Variants in NAV2 observed in about 807,000 individuals in gnomAD.
The protein encoded by NAV2 is neuron navigator 2.
Under a neutral mutation model 223.2 loss-of-function variants are expected in NAV2, and 54 were observed. The ratio of observed to expected loss-of-function variants is 0.24; its 90% CI spans 0.19 to 0.30. The LOEUF (loss-of-function observed/expected upper bound fraction) is 0.30. Among genes scored for constraint, NAV2 ranks in the 10% least tolerant of loss-of-function variants. The pLI, the probability that NAV2 is intolerant of heterozygous loss-of-function variation, is 1.00. For synonymous variants in NAV2, 1,279 were observed against 1,239.3 expected (o/e 1.03, Z -0.67); for missense variants, 2,806 against 3,147.5 (o/e 0.89, Z 2.60).
At chr11:19,483,505 A>G (rs1386448) in intron 1 of NAV2, among the ~76,000 whole-genome samples, 141,771 of 152,260 alleles carry the variant, frequency 0.93, 66,845 homozygotes, top group East Asian at 1. Context: ...AAGGCTTGAA[A>G]TGCTGTGCTA....
At chr11:19,814,286 G>C (rs2058980343) in intron 1 of NAV2, among the ~76,000 whole-genome samples, 1 of 152,142 alleles carries the variant, frequency 6.6e-6, no homozygotes. Context: ...GAGTACTCCT[G>C]AGGGCTTCAT....
intron 10 of NAV2, among the ~76,000 whole-genome samples, chr11:19,977,004 C>T (rs1244884324): frequency 6.6e-6 from 1 of 152,146 alleles, no homozygotes; most frequent in Admixed American, 6.5e-5. Context: ...TGGTGACATC[C>T]TGAAGAGCTG....
chr11:19,506,386 G>A (rs1001523970), intron 1 of NAV2: 3 of 152,266 alleles, frequency 2.0e-5, no homozygotes, highest in Non-Finnish European at 4.4e-5. Flanking sequence ...GTGGCAGAAT[G>A]TTCTGGAAGC....
chr11:19,768,667 G>A (rs1315743459), intron 1 of NAV2, among the ~76,000 whole-genome samples: 2 of 152,076 alleles, frequency 1.3e-5, no homozygotes, highest in Admixed American at 1.3e-4. Context: ...AAGGAAATAC[G>A]CAGAAAGGCA....
At chr11:19,619,480 T>C (rs1317197924) in intron 1 of NAV2, among the ~76,000 whole-genome samples, 13 of 152,222 alleles carry the variant, frequency 8.5e-5, no homozygotes, top group Non-Finnish European at 1.5e-4. Context: ...TATCTCATTG[T>C]GGTTTTGATT....
rs1465005765 is a variant in NAV2 at position 19,948,553 on chromosome 11, AG to A, written c.2256-136del. The A allele has an allele frequency of 2.7e-5, 22 of 802,724 alleles. No homozygotes were observed. The East Asian group carries it at 6.6e-4, about 24-fold the overall frequency. 49.7% of individuals were successfully genotyped at this position (802,724 alleles called of 1,614,324 possible). On this transcript the variant is annotated intron_variant, in intron 9 of 37. Coordinates refer to ENST00000349880, the MANE Select transcript of NAV2 (RefSeq NM_145117.5). ...TCATTTTGAGCAGAGGAAGCACATCAGGTGGTACATGGGGGCTGGCTGTTTT... is the reference window on the plus strand; with the variant it reads ...TCATTTTGAGCAGAGGAAGCACATCAGTGGTACATGGGGGCTGGCTGTTTT...
intron 30 of NAV2, 37 bp from the exon 31 acceptor site, chr11:20,097,540 C>A: frequency 4.6e-6 from 7 of 1,517,220 alleles, no homozygotes; most frequent in Non-Finnish European, 6.2e-6. Context: ...ATTTTAGCCA[C>A]ATCTTTGATG....
chr11:19,872,185 T>C (rs2062557689), intron 4 of NAV2, among the ~76,000 whole-genome samples: 1 of 152,166 alleles, frequency 6.6e-6, no homozygotes, highest in Non-Finnish European at 1.5e-5. Context: ...ACAGGCAATA[T>C]CTCACTTGAC....
intron 11 of NAV2, among the ~76,000 whole-genome samples, chr11:19,995,494 C>T (rs935052718): frequency 6.6e-6 from 1 of 152,190 alleles, no homozygotes; most frequent in Admixed American, 6.5e-5. Context: ...TCTCGCTGTA[C>T]TTCAAAGCTA....
At chr11:19,453,128 C>T (rs1057257532) in intron 1 of NAV2, among the ~76,000 whole-genome samples, 21 of 152,214 alleles carry the variant, frequency 1.4e-4, no homozygotes, top group African/African-American at 5.1e-4. Context: ...TGCTACATGA[C>T]ATTGCTCATA....
intron 1 of NAV2, among the ~76,000 whole-genome samples, chr11:19,681,527 A>G (rs1202086990): frequency 6.6e-6 from 1 of 152,172 alleles, no homozygotes; most frequent in Non-Finnish European, 1.5e-5. Context: ...TATCGATTTA[A>G]TTATTTGGCA....
At chr11:19,739,876 G>A (rs1590244929) in intron 1 of NAV2, among the ~76,000 whole-genome samples, 2 of 152,148 alleles carry the variant, frequency 1.3e-5, no homozygotes, top group Admixed American at 6.5e-5. Flanking sequence ...TTCTAAGAGG[G>A]CCCTGGTGTT....
intron 1 of NAV2, among the ~76,000 whole-genome samples, chr11:19,530,998 A>G (rs906364173): frequency 6.6e-6 from 1 of 152,232 alleles, no homozygotes; most frequent in Admixed American, 6.5e-5. Flanking sequence ...TCATTTACCA[A>G]CTAGTATTTA....
At chr11:19,448,972 G>A (rs1162603676) in intron 1 of NAV2, among the ~76,000 whole-genome samples, 2 of 152,146 alleles carry the variant, frequency 1.3e-5, no homozygotes, top group Non-Finnish European at 2.9e-5. Flanking sequence ...AAACCACCCA[G>A]TATTCTACAC....
At chr11:20,095,874 G>C (rs143219478) in intron 30 of NAV2, 107 bp downstream of exon 30, 2 of 784,256 alleles carry the variant, frequency 2.6e-6, no homozygotes, top group Non-Finnish European at 4.5e-6. Flanking sequence ...TCTCAGACCT[G>C]TCCCCTTCCC....
At chr11:19,581,509 C>T (rs1012502881) in intron 1 of NAV2, among the ~76,000 whole-genome samples, 13 of 152,026 alleles carry the variant, frequency 8.6e-5, no homozygotes, top group Admixed American at 3.9e-4. Context: ...TAATGCTATC[C>T]CTCCCCTCTC....
chr11:19,845,740 C>G (rs1351742042), intron 3 of NAV2, among the ~76,000 whole-genome samples: 1 of 152,218 alleles, frequency 6.6e-6, no homozygotes, highest in Non-Finnish European at 1.5e-5. Flanking sequence ...GCTGTAACTC[C>G]TGCTGTCTTC....
intron 1 of NAV2, among the ~76,000 whole-genome samples, chr11:19,825,965 C>T (rs577295995): frequency 2.0e-5 from 3 of 152,172 alleles, no homozygotes; most frequent in Non-Finnish European, 4.4e-5. Flanking sequence ...TTGACAGCAG[C>T]TTCTCTCCCT....
intron 1 of NAV2, among the ~76,000 whole-genome samples, chr11:19,405,224 C>G (rs1849844499): frequency 6.6e-6 from 1 of 152,164 alleles, no homozygotes; most frequent in Non-Finnish European, 1.5e-5. Flanking sequence ...TGAGTGGGCT[C>G]TCTTCATGGA....
Sources: allele counts gnomAD v4.1 joint callset (sites outside exome capture counted in the v4.1 genomes callset), GRCh38; gene constraint gnomAD v4.1.1; transcripts MANE v1.5; gene names NCBI Gene and HGNC (gene_info 2026-07-23, HGNC 2026-07-21).